The following CTNNA2 variants were observed in gnomAD, a reference collection of about 807,000 sequenced individuals.
CTNNA2 encodes the protein catenin alpha 2.
A neutral mutation model predicts 101.0 loss-of-function variants in CTNNA2; 42 were observed. The ratio of observed to expected loss-of-function variants is 0.42; its 90% CI spans 0.32 to 0.54. The LOEUF is 0.54. Ranked by LOEUF, CTNNA2 falls within the 20% of genes least tolerant of loss-of-function variation. The pLI is 0.14. For missense variants in CTNNA2, 871 were observed against 1,223.1 expected, an observed-to-expected ratio of 0.71 and a Z score of 4.29; for synonymous variants, 450 against 456.4, an observed-to-expected ratio of 0.99 and a Z score of 0.18.
At chr2:79,866,297 T>C (rs535784264) in intron 4 of CTNNA2, among the ~76,000 whole-genome samples, 11 of 152,358 alleles carry the variant, frequency 7.2e-5, no homozygotes, top group Admixed American at 2.6e-4. Context: ...TTCAGCTTTA[T>C]CTATGCACTG....
chr2:79,351,643 T>G (rs1677389768), intron 3 of CTNNA2, among the ~76,000 whole-genome samples: 1 of 152,158 alleles, frequency 6.6e-6, no homozygotes, highest in African/African-American at 2.4e-5. Context: ...TTTATGACCA[T>G]GTATACCCAA....
intron 1 of CTNNA2, among the ~76,000 whole-genome samples, chr2:79,629,072 T>G (rs922667764): frequency 1.2e-4 from 19 of 152,188 alleles, no homozygotes; most frequent in African/African-American, 4.6e-4. Context: ...TCCTGTCTCC[T>G]TCCCCACTCT....
chr2:80,297,361 C>T (rs970791755), intron 7 of CTNNA2, among the ~76,000 whole-genome samples: 2 of 152,212 alleles, frequency 1.3e-5, no homozygotes, highest in African/African-American at 4.8e-5. Flanking sequence ...ATGTACCTGA[C>T]TTCTGTAAGC....
At chr2:80,282,850 G>C (rs1039181055) in intron 7 of CTNNA2, among the ~76,000 whole-genome samples, 2 of 151,952 alleles carry the variant, frequency 1.3e-5, no homozygotes, top group African/African-American at 4.8e-5. Context: ...TGATTTAAAG[G>C]GCACTCCAGA....
In CTNNA2 at chr2:79,942,452, G is replaced by A. The variant is rs181214355; in HGVS notation, c.1056+32655G>A. Among the ~76,000 whole-genome samples the A allele has an allele frequency of 4.4e-3, 669 of 152,244 alleles. 4 individuals are homozygous for A. Among genetic ancestry groups the A allele is most frequent in the Middle Eastern group, 0.014 (4 of 294 alleles). On this transcript the variant is annotated intron_variant, in intron 7 of 18. Coordinates refer to ENST00000402739, the MANE Select transcript of CTNNA2 (RefSeq NM_001282597.3). Reference sequence around the variant, plus strand: ...CTCAGTCATCATTTGTAGGAGACACGAAGAAAACAAAAGGGAAAACATTAT... The same window carrying A: ...CTCAGTCATCATTTGTAGGAGACACAAAGAAAACAAAAGGGAAAACATTAT...
At chr2:79,959,523 C>A (rs1433309360) in intron 7 of CTNNA2, among the ~76,000 whole-genome samples, 1 of 152,166 alleles carries the variant, frequency 6.6e-6, no homozygotes, top group African/African-American at 2.4e-5. Flanking sequence ...ACTCTTAATG[C>A]CTTGCCTCTA....
Position 79,679,536 on chromosome 2 carries a change from C to T in CTNNA2, c.102+27878C>T, listed in dbSNP as rs140580325. Among the ~76,000 whole-genome samples the T allele has an allele frequency of 1.5e-3, 221 of 152,060 alleles. 1 individual carries two copies. The East Asian group carries it at 0.037, about 25-fold the overall frequency. ...TGTTCCCATTGCAGCCATCCTGCCC[C>T]GCAGCATGCAGCTGTAAACCGCCCC... On this transcript the variant is annotated intron_variant, in intron 2 of 18. Coordinates refer to ENST00000402739, the MANE Select transcript of CTNNA2 (RefSeq NM_001282597.3).
chr2:80,301,496 G>A (rs1372607257), intron 7 of CTNNA2, among the ~76,000 whole-genome samples: 2 of 152,174 alleles, frequency 1.3e-5, no homozygotes, highest in African/African-American at 4.8e-5. Context: ...CGTGTTCCTA[G>A]GAGAAACTGT....
chr2:79,680,744 T>C (rs1683508598), intron 2 of CTNNA2, among the ~76,000 whole-genome samples: 1 of 152,358 alleles, frequency 6.6e-6, no homozygotes, highest in Non-Finnish European at 1.5e-5. Context: ...CTTTCAGTAA[T>C]GTGAAAAGTC....
chr2:79,732,072 G>A (rs1425866981), intron 2 of CTNNA2, among the ~76,000 whole-genome samples: 1 of 151,900 alleles, frequency 6.6e-6, no homozygotes, highest in Admixed American at 6.6e-5. Flanking sequence ...GTCTATACTA[G>A]TGTCATAATT....
At chr2:79,368,611 T>C (rs1281165331) in intron 3 of CTNNA2, among the ~76,000 whole-genome samples, 1 of 152,264 alleles carries the variant, frequency 6.6e-6, no homozygotes, top group Middle Eastern at 3.4e-3. Flanking sequence ...AACCTGGAAA[T>C]GGAAAGACAT....
At chr2:80,249,361 C>G (rs1671579942) in intron 7 of CTNNA2, among the ~76,000 whole-genome samples, 1 of 152,092 alleles carries the variant, frequency 6.6e-6, no homozygotes, top group Non-Finnish European at 1.5e-5. Flanking sequence ...GGATTCAGGC[C>G]TCCTTACTTC....
chr2:79,773,178 A>T (rs1359118320), intron 3 of CTNNA2, among the ~76,000 whole-genome samples: 17 of 152,344 alleles, frequency 1.1e-4, no homozygotes, highest in Admixed American at 9.1e-4. Context: ...GTGAGTTAAG[A>T]TGACTTTTTT....
chr2:79,626,657 C>T (rs928581825), intron 1 of CTNNA2, among the ~76,000 whole-genome samples: 9 of 136,368 alleles, frequency 6.6e-5, no homozygotes, highest in African/African-American at 1.1e-4. Context: ...GTGTGTGTGT[C>T]GAGTCCAGAA....
intron 7 of CTNNA2, among the ~76,000 whole-genome samples, chr2:80,170,250 T>C (rs1704969309): frequency 6.6e-6 from 1 of 151,508 alleles, no homozygotes; most frequent in Non-Finnish European, 1.5e-5. Context: ...TGTGTGTGTT[T>C]GTGTGTGTGT....
At chr2:79,626,520 C>G (rs1184063522) in intron 1 of CTNNA2, among the ~76,000 whole-genome samples, 1 of 151,936 alleles carries the variant, frequency 6.6e-6, no homozygotes, top group Non-Finnish European at 1.5e-5. Context: ...TTAACCAATC[C>G]TGTGCATATG....
chr2:79,552,709 G>A (rs868322541), intron 1 of CTNNA2, among the ~76,000 whole-genome samples: 3 of 152,166 alleles, frequency 2.0e-5, no homozygotes, highest in Admixed American at 6.5e-5. Context: ...AGCCACCAAA[G>A]CTTTTGGCTT....
intron 6 of CTNNA2, among the ~76,000 whole-genome samples, chr2:79,906,309 CACAG>C (rs1255893855): frequency 6.6e-6 from 1 of 151,936 alleles, no homozygotes; most frequent in East Asian, 1.9e-4. Flanking sequence ...CACACACACA[CACAG>C]ACACACACCC....
intron 7 of CTNNA2, among the ~76,000 whole-genome samples, chr2:80,022,726 A>G (rs528988806): frequency 6.6e-6 from 1 of 152,366 alleles, no homozygotes; most frequent in African/African-American, 2.4e-5. Context: ...AGGCTTTCTC[A>G]GAAACAAAAG....
Sources: gnomAD v4.1 joint callset for allele counts (sites outside exome capture counted in the v4.1 genomes callset) on GRCh38, gnomAD v4.1.1 for gene constraint, MANE v1.5 for transcripts, NCBI Gene and HGNC (gene_info 2026-07-23, HGNC 2026-07-21) for gene names.